Variants in MOBP observed in about 807,000 individuals in gnomAD.
The protein encoded by MOBP is myelin associated oligodendrocyte basic protein.
MOBP carries 5 observed loss-of-function variants against 15.0 expected under a neutral mutation model. The observed-to-expected ratio is 0.33, with a 90% CI of 0.17 to 0.70. The LOEUF is 0.70. Among genes scored for constraint, MOBP ranks in the 30% least tolerant of loss-of-function variants. The probability of loss-of-function intolerance (pLI) is 0.67; values close to 1 mark genes in which losing one functional copy is unlikely to be tolerated. For synonymous variants in MOBP, 88 were observed against 99.0 expected, an observed-to-expected ratio of 0.89 and a Z score of 0.66; for missense variants, 188 against 257.8, an observed-to-expected ratio of 0.73 and a Z score of 1.85.
chr3:39,486,928 C>CTT (rs60949098), intron 2 of MOBP, among the ~76,000 whole-genome samples: 1 of 138,910 alleles, frequency 7.2e-6, no homozygotes, highest in East Asian at 2.1e-4. Flanking sequence ...TGTACAGTAG[C>CTT]TTTTTTTTTT....
intron 2 of MOBP, among the ~76,000 whole-genome samples, chr3:39,492,990 A>ATGCAGATATGAAGGGGCAAGTGGGCTG (rs2042823752): frequency 6.6e-6 from 1 of 152,072 alleles, no homozygotes; most frequent in Non-Finnish European, 1.5e-5. Context: ...TTCCTGTGAT[A>ATGCAGATATGAAGGGGCAAGTGGGCTG]CCATGCAGAT....
At chr3:39,523,886 C>T (rs898853050) in intron 3 of MOBP, among the ~76,000 whole-genome samples, 3 of 152,284 alleles carry the variant, frequency 2.0e-5, no homozygotes, top group East Asian at 3.9e-4. Flanking sequence ...ATCTGTGCCT[C>T]AGTTTCTTAA....
At chr3:39,490,771 C>T (rs1242401556) in intron 2 of MOBP, among the ~76,000 whole-genome samples, 3 of 152,156 alleles carry the variant, frequency 2.0e-5, no homozygotes, top group East Asian at 3.8e-4. Flanking sequence ...CCATGTTGGC[C>T]AGGCTGGTCT....
chr3:39,510,002 C>A (rs1707987), intron 4 of MOBP, among the ~76,000 whole-genome samples: 2 of 151,962 alleles, frequency 1.3e-5, no homozygotes, highest in East Asian at 3.9e-4. Context: ...AATGGTGTGA[C>A]GTATGAATTG....
chr3:39,506,524 T>C (rs1640639749), downstream of MOBP, among the ~76,000 whole-genome samples: 1 of 152,224 alleles, frequency 6.6e-6, no homozygotes, highest in Admixed American at 6.5e-5. Flanking sequence ...GACTTAGTCC[T>C]GCCGAGGACC....
chr3:39,505,247 G>C (rs2043033192), downstream of MOBP, among the ~76,000 whole-genome samples: 1 of 152,152 alleles, frequency 6.6e-6, no homozygotes, highest in Non-Finnish European at 1.5e-5. Flanking sequence ...ATGGCTGTGG[G>C]TGGTTAATTT....
chr3:39,507,172 C>T (rs977078837), downstream of MOBP, among the ~76,000 whole-genome samples: 1 of 152,178 alleles, frequency 6.6e-6, no homozygotes, highest in African/African-American at 2.4e-5. Context: ...AATATGTGAG[C>T]CTATTCACTC....
At chr3:39,484,174 C>A (rs925361783) in intron 2 of MOBP, among the ~76,000 whole-genome samples, 1 of 152,172 alleles carries the variant, frequency 6.6e-6, no homozygotes, top group Non-Finnish European at 1.5e-5. Flanking sequence ...GGTAAGACCT[C>A]AGCTGGGTTG....
chr3:39,520,576 G>GTGTGTGTGTGTGT (rs1559430962), downstream of MOBP, among the ~76,000 whole-genome samples: 36 of 93,200 alleles, frequency 3.9e-4, no homozygotes, highest in East Asian at 1.3e-3. Flanking sequence ...GTGTGTGTAT[G>GTGTGTGTGTGTGT]AGAGAGAGAG....
At chr3:39,469,205 C>A (rs796902324) in intron 1 of MOBP, among the ~76,000 whole-genome samples, 1 of 60,034 alleles carries the variant, frequency 1.7e-5, no homozygotes, top group Admixed American at 1.4e-4. Context: ...TACATATATA[C>A]ATGTGTGTGT....
At chr3:39,482,379 C>T (rs541833190) in intron 2 of MOBP, among the ~76,000 whole-genome samples, 4 of 152,200 alleles carry the variant, frequency 2.6e-5, no homozygotes, top group South Asian at 4.2e-4. Context: ...GGGTCGGGCA[C>T]GGTGGCTCAT....
Position 39,502,770 on chromosome 3 carries a change from G to T in MOBP, c.442G>T (p.Ala148Ser). Reference protein sequence around the residue: ...RPRPEVRPPPAKQRPPQKSKQ... With the variant: ...RPRPEVRPPPSKQRPPQKSKQ... ...CCGCCCAGAGGTCCGACCACCGCCA[G>T]CCAAGCAGCGTCCCCCTCAGAAGTC... The change falls in exon 4 of 4, where the codon GCC becomes TCC. Residue 148 changes from alanine (A) to serine (S), a missense_variant. By Grantham distance (99) the Ala-to-Ser change is moderately conservative. Around this residue, in one of 2 missense-constraint regions of MOBP, gnomAD observed 133 missense variants for 212.5 expected, o/e 0.63. Coordinates refer to ENST00000684792, the MANE Select transcript of MOBP (RefSeq NM_001393704.1). This position sits in a 1 kb window ranked among gnomAD's most constrained non-coding sequence, Gnocchi z 6.3. 2 of 1,535,766 alleles carry T rather than the reference G, an allele frequency of 1.3e-6. No homozygotes were observed. Among genetic ancestry groups the T allele is most frequent in the Admixed American group, 2.0e-5 (1 of 50,960 alleles).
intron 2 of MOBP, among the ~76,000 whole-genome samples, chr3:39,486,384 TA>T (rs1346949949): frequency 6.6e-6 from 1 of 152,234 alleles, no homozygotes; most frequent in Non-Finnish European, 1.5e-5. Context: ...GTATTTGTTC[TA>T]ATTTCTTCTT....
At chr3:39,523,563 CT>C (rs1050979764) in intron 3 of MOBP, among the ~76,000 whole-genome samples, 40 of 152,074 alleles carry the variant, frequency 2.6e-4, no homozygotes, top group African/African-American at 5.1e-4. Context: ...TTCATAATTT[CT>C]TTTTTTTATT....
chr3:39,471,714 G>C (rs1211747959), intron 1 of MOBP, among the ~76,000 whole-genome samples: 1 of 152,122 alleles, frequency 6.6e-6, no homozygotes, highest in Admixed American at 6.5e-5. Flanking sequence ...TGCCCCTCCT[G>C]CACTTGTTTC....
chr3:39,475,302 A>G (rs146539248), intron 1 of MOBP, among the ~76,000 whole-genome samples: 139 of 152,262 alleles, frequency 9.1e-4, no homozygotes, highest in Middle Eastern at 6.8e-3. Context: ...TGGTGATGTT[A>G]ACCTTGATCA....
At position 39,494,806 on chromosome 3, in the gene MOBP, G is replaced by A. The variant is rs1400416424; in HGVS notation, c.-4-7260G>A. ...AGCCCCCCCCCGCCCCCCGAGTTAC[G>A]TGTTGTTATTATTACAGGAAACTGA... On this transcript the variant is annotated intron_variant, in intron 2 of 3. Transcript: ENST00000684792. Among the ~76,000 whole-genome samples, 94 of 94,214 alleles carry A rather than the reference G, an allele frequency of 1.0e-3. 2 individuals carry two copies. Among genetic ancestry groups the A allele is most frequent in the African/African-American group, 3.6e-3 (87 of 24,464 alleles). 61.8% of individuals were successfully genotyped at this position (94,214 alleles called of 152,430 possible).
chr3:39,496,673 T>A (rs903728870), intron 2 of MOBP, among the ~76,000 whole-genome samples: 5 of 150,568 alleles, frequency 3.3e-5, no homozygotes, highest in African/African-American at 1.2e-4. Context: ...TTTTTTTTTC[T>A]TTTTTTTGAG....
At chr3:39,503,707 G>A (rs1559424969), downstream of MOBP, among the ~76,000 whole-genome samples, 3 of 151,410 alleles carry the variant, frequency 2.0e-5, no homozygotes. Flanking sequence ...ATATCAGCAT[G>A]CCAACTTTTT....
Sources: gnomAD v4.1 joint callset for allele counts (sites outside exome capture counted in the v4.1 genomes callset) on GRCh38, gnomAD v4.1.1 for gene constraint, gnomAD v4.1.1 regional missense constraint, Gnocchi (gnomAD v3.1) non-coding constraint, MANE v1.5 for transcripts, NCBI Gene and HGNC (gene_info 2026-07-23, HGNC 2026-07-21) for gene names.